Variants in METTL22 observed in about 807,000 individuals in gnomAD.
The protein encoded by METTL22 is methyltransferase-like protein 22.
A neutral mutation model predicts 48.4 loss-of-function variants in METTL22; 51 were observed. That is an observed-to-expected ratio of 1.05 (90% CI 0.84 to 1.33). METTL22 has a LOEUF of 1.33. Ranked by LOEUF, METTL22 falls within the 40% of genes most tolerant of loss-of-function variation. The probability of loss-of-function intolerance (pLI) is 0.00; values close to 1 mark genes in which losing one functional copy is unlikely to be tolerated. For missense variants in METTL22, 678 were observed against 526.9 expected (o/e 1.29, Z -2.81); for synonymous variants, 255 against 214.1 (o/e 1.19, Z -1.67).
At chr16:8,638,158 T>C (rs952297220) in intron 5 of METTL22, among the ~76,000 whole-genome samples, 4 of 152,182 alleles carry the variant, frequency 2.6e-5, no homozygotes, top group Middle Eastern at 3.4e-3. Flanking sequence ...AAAAAACTGC[T>C]AAGCCCATCG....
chr16:8,642,410 T>G (rs1028583652), intron 8 of METTL22, 53 bp from the exon 9 acceptor site: 5 of 1,554,886 alleles, frequency 3.2e-6, no homozygotes, highest in Admixed American at 3.3e-5. Flanking sequence ...AAAAGTCGAT[T>G]TCTGTAATAT....
the METTL22 span, among the ~76,000 whole-genome samples, chr16:8,659,836 A>G: frequency 1.3e-5 from 2 of 150,360 alleles, no homozygotes; most frequent in Non-Finnish European, 3.0e-5. Flanking sequence ...CGATCCTCCC[A>G]CCTCAGCCCC....
At chr16:8,665,537 C>G in the METTL22 span, among the ~76,000 whole-genome samples, 1 of 152,202 alleles carries the variant, frequency 6.6e-6, no homozygotes, top group Admixed American at 6.5e-5. Context: ...ATTCATTTCA[C>G]AAAGACTTTT....
the METTL22 span, among the ~76,000 whole-genome samples, chr16:8,660,342 T>A: frequency 6.6e-6 from 1 of 151,744 alleles, no homozygotes; most frequent in Non-Finnish European, 1.5e-5. Context: ...CCTGGCTAAT[T>A]TTTGTATTTT....
chr16:8,642,690 T>C (rs1343951849), intron 9 of METTL22, 125 bp downstream of exon 9: 2 of 896,392 alleles, frequency 2.2e-6, no homozygotes, highest in Non-Finnish European at 1.8e-6. Flanking sequence ...GCACCTACTA[T>C]GTGCCAGGTC....
chr16:8,647,225 C>T lies in METTL22; in HGVS notation c.*1082C>T, dbSNP rs2056820466. 6.4e-6 allele frequency: 1 copy of T among 156,996 alleles called. No individual in the cohort carries two copies. Among genetic ancestry groups the T allele is most frequent in the African/African-American group, 2.4e-5 (1 of 41,472 alleles). The allele number at this position is 156,996 out of a possible 1,614,324, so 9.7% of individuals were successfully genotyped here. A position where few individuals can be genotyped will look rare whatever the true frequency, so the allele number is the denominator to read the frequency against. ...CCTCATGCCAGGGGCCAGGCACTTG[C>T]AAGTCTAACTTCATCTTCCCAACAA... On this transcript the variant is annotated 3_prime_UTR_variant, in exon 11 of 11. Transcript: ENST00000381920.
At chr16:8,623,402 C>G (rs187519304) in intron 1 of METTL22, among the ~76,000 whole-genome samples, 79 of 152,084 alleles carry the variant, frequency 5.2e-4, no homozygotes, top group Non-Finnish European at 2.8e-4. Context: ...AGAGGATCTT[C>G]CCCACCCCCT....
At chr16:8,655,633 A>T in the METTL22 span, among the ~76,000 whole-genome samples, 1 of 152,164 alleles carries the variant, frequency 6.6e-6, no homozygotes, top group Non-Finnish European at 1.5e-5. Flanking sequence ...ATCACTGGGG[A>T]CCATCTCAGA....
In METTL22 at chr16:8,628,877, G is replaced by C; in HGVS notation, c.281G>C (p.Gly94Ala). The C allele has an allele frequency of 6.2e-7, 1 of 1,613,880 alleles. No individual in the cohort carries two copies. Among genetic ancestry groups the C allele is most frequent in the Non-Finnish European group, 8.5e-7 (1 of 1,179,990 alleles). ...STGSPPGSGH[G>A]NEGFSLQAGT... ...GGGTCCCCTCCAGGAAGTGGCCATG[G>C]TAATGAGGGTTTCTCCCTCCAGGCC... The change falls in exon 3 of 11, where the codon GGT (glycine) becomes GCT (alanine). Residue 94 changes from glycine (G) to alanine (A), a missense_variant. Physicochemically the swap from Gly to Ala is moderately conservative, Grantham distance 60. Transcript: ENST00000381920.
rs139810447 is a variant in METTL22 at position 8,644,696 on chromosome 16, C to G, written c.1150C>G (p.Leu384Val). 1.0e-5 allele frequency: 16 copies of G among 1,599,948 alleles called. No individual in the cohort carries two copies. Among genetic ancestry groups the G allele is most frequent in the Non-Finnish European group, 1.4e-5 (16 of 1,173,194 alleles). ...VEPVEASFPQ[L>V]LVYERLQQLE... is the part of the protein sequence containing the mutation. Reference sequence around the variant, plus strand: ...GCCCGTGGAGGCCTCCTTCCCACAGCTCCTGGTTTACGAGCGCCTCCAGCA... The same window carrying G: ...GCCCGTGGAGGCCTCCTTCCCACAGGTCCTGGTTTACGAGCGCCTCCAGCA... Residue 384 changes from leucine to valine, a missense_variant, in exon 10 of 11, where the codon CTC (leucine) becomes GTC (valine). Transcript: ENST00000381920.
chr16:8,644,052 G>T (rs2056706153), intron 9 of METTL22, among the ~76,000 whole-genome samples: 1 of 152,236 alleles, frequency 6.6e-6, no homozygotes, highest in Non-Finnish European at 1.5e-5. Context: ...AAGTGGCAGG[G>T]TTGGGAGACC....
chr16:8,627,775 T>C (rs1223880619), intron 2 of METTL22, among the ~76,000 whole-genome samples: 1 of 152,184 alleles, frequency 6.6e-6, no homozygotes, highest in Non-Finnish European at 1.5e-5. Flanking sequence ...AGACAGGGTC[T>C]CATTCTGTCA....
intron 6 of METTL22, among the ~76,000 whole-genome samples, chr16:8,639,904 G>A (rs528631615): frequency 5.1e-4 from 77 of 151,446 alleles, no homozygotes; most frequent in African/African-American, 1.8e-3. Context: ...ACCAACAGCC[G>A]ACCTCACCGT....
chr16:8,626,302 T>C lies in METTL22; in HGVS notation c.133+504T>C. ...GTCCCCCCACTTTCATTAAGCAAAC[T>C]CCTGTGGTTTCCTGAGCACCTATTG... On this transcript the variant is annotated intron_variant, in intron 2 of 10. Coordinates refer to ENST00000381920, the MANE Select transcript of METTL22 (RefSeq NM_024109.4). Among the ~76,000 whole-genome samples the C allele has an allele frequency of 1.3e-5, 2 of 152,120 alleles. 1 individual carries two copies. The highest frequency in any genetic ancestry group is 1.3e-4 in the Admixed American group (2 of 15,280).
intron 3 of METTL22, among the ~76,000 whole-genome samples, chr16:8,630,843 A>G (rs62018567): frequency 0.092 from 14,014 of 152,230 alleles, 731 homozygotes; most frequent in Middle Eastern, 0.14. Context: ...AATGGTAGCT[A>G]ATGCATGAAC....
chr16:8,638,283 G>A (rs1228954207), intron 5 of METTL22, among the ~76,000 whole-genome samples: 2 of 152,202 alleles, frequency 1.3e-5, no homozygotes, highest in East Asian at 1.9e-4. Context: ...CCCCTGGGGT[G>A]CAGATGTTAG....
the METTL22 span, among the ~76,000 whole-genome samples, chr16:8,661,934 G>A: frequency 2.1e-5 from 3 of 144,878 alleles, 1 homozygote; most frequent in Non-Finnish European, 4.5e-5. Context: ...GCTGTCTGAG[G>A]TCACAGGACT....
chr16:8,646,921 A>C lies in METTL22; in HGVS notation c.*778A>C. ...TCTCCATCTGTGCCTCTCTCCTCCC[A>C]TCTCCACCCCTTCCTGTCATCCTCT... On this transcript the variant is annotated 3_prime_UTR_variant, in exon 11 of 11. Transcript: ENST00000381920. The C allele has an allele frequency of 1.5e-5, 5 of 344,382 alleles. No homozygotes were observed. The highest frequency in any genetic ancestry group is 4.5e-5 in the South Asian group (2 of 44,418). 21.3% of individuals were successfully genotyped at this position (344,382 alleles called of 1,614,324 possible). A position where few individuals can be genotyped will look rare whatever the true frequency, so the allele number is the denominator to read the frequency against.
intron 7 of METTL22, chr16:8,641,484 C>T (rs961192900): frequency 1.4e-5 from 8 of 557,826 alleles, no homozygotes; most frequent in Middle Eastern, 2.7e-4. Flanking sequence ...TGGTACACAG[C>T]AGGGTAGGGG....
Sources: gnomAD v4.1 joint callset for allele counts (sites outside exome capture counted in the v4.1 genomes callset) on GRCh38, gnomAD v4.1.1 for gene constraint, MANE v1.5 for transcripts, NCBI Gene and HGNC (gene_info 2026-07-23, HGNC 2026-07-21) for gene names.